Variants in LYPD6B observed in about 807,000 individuals in gnomAD.
LYPD6B encodes ly6/PLAUR domain-containing protein 6B.
In LYPD6B, 17 loss-of-function variants were observed where a neutral mutation model predicts 22.8. That is an observed-to-expected ratio of 0.75 (90% confidence interval 0.51 to 1.12). The LOEUF is 1.12. Ranked by LOEUF, LYPD6B falls within the 50% of genes most tolerant of loss-of-function variation. The pLI is 0.00. For missense variants in LYPD6B, 221 were observed against 258.3 expected (o/e 0.86, Z 0.99); for synonymous variants, 106 against 91.6 (o/e 1.16, Z -0.90).
Position 149,104,469 on chromosome 2 carries a change from C to T in LYPD6B, c.-66-26414C>T, listed in dbSNP as rs185001095. On this transcript the variant is annotated intron_variant, in intron 1 of 6. Transcript: ENST00000409642. The stretch of plus-strand genomic sequence containing the variant: ...ATACCGTGTGTTGGTAAGGTTGCAT[C>T]TCCCAACTGAGTAATGATGTTAATC... 1.5e-3 allele frequency among the ~76,000 whole-genome samples: 224 copies of T among 152,272 alleles called. 1 individual carries two copies. The highest frequency in any genetic ancestry group is 5.2e-3 in the Admixed American group (80 of 15,304).
At chr2:149,083,669 A>AT (rs941871839) in intron 1 of LYPD6B, among the ~76,000 whole-genome samples, 2 of 152,140 alleles carry the variant, frequency 1.3e-5, no homozygotes, top group African/African-American at 4.8e-5. Flanking sequence ...CAGGTTAAAC[A>AT]TTTTTTGCCA....
intron 1 of LYPD6B, among the ~76,000 whole-genome samples, chr2:149,078,414 A>G (rs982285499): frequency 6.6e-6 from 1 of 152,198 alleles, no homozygotes; most frequent in African/African-American, 2.4e-5. Context: ...GCCAGCCAGT[A>G]TAATGAATAC....
chr2:149,120,576 G>C (rs1225763186), intron 1 of LYPD6B, among the ~76,000 whole-genome samples: 3 of 147,902 alleles, frequency 2.0e-5, no homozygotes, highest in Non-Finnish European at 3.0e-5. Context: ...GTAGAGACGG[G>C]GTTTCACCGG....
chr2:149,117,473 G>T (rs1050346410), intron 1 of LYPD6B, among the ~76,000 whole-genome samples: 6 of 152,076 alleles, frequency 3.9e-5, no homozygotes, highest in Non-Finnish European at 7.4e-5. Flanking sequence ...GTTTCGCCAT[G>T]TTAGTCAGGC....
chr2:149,202,908 A>G (rs1693261076), intron 3 of LYPD6B, among the ~76,000 whole-genome samples: 1 of 152,196 alleles, frequency 6.6e-6, no homozygotes, highest in Admixed American at 6.5e-5. Context: ...CTACAACCCT[A>G]TGAAATGGGT....
At chr2:149,123,068 A>T (rs78616862) in intron 1 of LYPD6B, among the ~76,000 whole-genome samples, 1 of 152,208 alleles carries the variant, frequency 6.6e-6, no homozygotes, top group African/African-American at 2.4e-5. Flanking sequence ...CAGAAGGCTG[A>T]TGAAGAAAGG....
intron 1 of LYPD6B, among the ~76,000 whole-genome samples, chr2:149,100,044 A>C (rs1008996574): frequency 2.0e-5 from 3 of 152,178 alleles, no homozygotes; most frequent in Non-Finnish European, 4.4e-5. Context: ...TGTTCTAAAG[A>C]GAACATTTAT....
At chr2:149,203,008 G>A (rs1488764172) in intron 3 of LYPD6B, among the ~76,000 whole-genome samples, 1 of 152,178 alleles carries the variant, frequency 6.6e-6, no homozygotes, top group East Asian at 1.9e-4. Flanking sequence ...ACAGGTATTT[G>A]AGCCAATGCT....
intron 2 of LYPD6B, among the ~76,000 whole-genome samples, chr2:149,144,263 T>G (rs1688875282): frequency 6.6e-6 from 1 of 152,024 alleles, no homozygotes; most frequent in South Asian, 2.1e-4. Context: ...CAGAATGATT[T>G]GTATGAAGAA....
At chr2:149,121,764 T>G (rs114355595) in intron 1 of LYPD6B, among the ~76,000 whole-genome samples, 289 of 152,030 alleles carry the variant, frequency 1.9e-3, no homozygotes, top group African/African-American at 6.8e-3. Context: ...GGACACAGCT[T>G]TCACCAGAGA....
intron 1 of LYPD6B, among the ~76,000 whole-genome samples, chr2:149,069,318 A>G (rs761171630): frequency 7.9e-5 from 12 of 152,182 alleles, no homozygotes; most frequent in Non-Finnish European, 1.6e-4. Flanking sequence ...TTTGTTACAC[A>G]GGACATGCCT....
At chr2:149,175,061 C>CTCTCTCTCTCTCTGTGTGTGTG (rs1454802925) in intron 3 of LYPD6B, among the ~76,000 whole-genome samples, 1 of 113,080 alleles carries the variant, frequency 8.8e-6, no homozygotes, top group African/African-American at 3.2e-5. Context: ...CTCTCTCTCT[C>CTCTCTCTCTCTCTGTGTGTGTG]TGTGTGTGTG....
chr2:149,190,951 A>G (rs1692447129), intron 3 of LYPD6B, among the ~76,000 whole-genome samples: 4 of 152,056 alleles, frequency 2.6e-5, no homozygotes, highest in Admixed American at 2.6e-4. Context: ...GTTTTGAATC[A>G]TGGTTAGAAA....
chr2:149,190,283 CGTGT>C (rs1178121143), intron 3 of LYPD6B, among the ~76,000 whole-genome samples: 4 of 151,730 alleles, frequency 2.6e-5, no homozygotes, highest in Admixed American at 2.0e-4. Context: ...CACGCACGTG[CGTGT>C]GTGTGTCTCT....
chr2:149,075,303 G>A (rs1684832011), intron 1 of LYPD6B, among the ~76,000 whole-genome samples: 1 of 152,148 alleles, frequency 6.6e-6, no homozygotes. Flanking sequence ...AAATATTATA[G>A]TAATAGAAAA....
intron 1 of LYPD6B, among the ~76,000 whole-genome samples, chr2:149,045,861 C>T (rs1368104060): frequency 6.6e-6 from 1 of 152,014 alleles, no homozygotes; most frequent in East Asian, 1.9e-4. Context: ...TATGTGTATT[C>T]TGCTATTGAT....
chr2:149,095,093 C>T (rs1295379334), intron 1 of LYPD6B, among the ~76,000 whole-genome samples: 2 of 152,006 alleles, frequency 1.3e-5, no homozygotes, highest in East Asian at 1.9e-4. Context: ...GTCAGGAGTT[C>T]GTAACCAGCC....
intron 1 of LYPD6B, among the ~76,000 whole-genome samples, chr2:149,118,878 A>C (rs1687140128): frequency 1.3e-5 from 2 of 152,180 alleles, no homozygotes; most frequent in South Asian, 4.1e-4. Flanking sequence ...TAAACACACA[A>C]ACACAATGTT....
At chr2:149,093,955 T>A (rs1020679395) in intron 1 of LYPD6B, among the ~76,000 whole-genome samples, 1 of 152,220 alleles carries the variant, frequency 6.6e-6, no homozygotes, top group Non-Finnish European at 1.5e-5. Flanking sequence ...ATAATTATAA[T>A]GGAACAAGAG....
Sources: allele counts gnomAD v4.1 joint callset (sites outside exome capture counted in the v4.1 genomes callset), GRCh38; gene constraint gnomAD v4.1.1; transcripts MANE v1.5; gene names NCBI Gene and HGNC (gene_info 2026-07-23, HGNC 2026-07-21).